Variants in CAPN3 observed in about 807,000 individuals in gnomAD.
The protein encoded by CAPN3 is calpain 3.
In CAPN3, 88 loss-of-function variants were observed where a neutral mutation model predicts 114.0. The ratio of observed to expected loss-of-function variants is 0.77; its 90% CI spans 0.65 to 0.92. The LOEUF (loss-of-function observed/expected upper bound fraction) is 0.92. CAPN3 is among the 40% of genes least tolerant of loss of function. The probability of loss-of-function intolerance (pLI) is 0.00; values close to 1 mark genes in which losing one functional copy is unlikely to be tolerated. For missense variants in CAPN3, 1,028 were observed against 1,069.0 expected (o/e 0.96, Z 0.53); for synonymous variants, 386 against 382.9 (o/e 1.01, Z -0.09).
chr15:42,387,985 A>G (rs1348471485), intron 4 of CAPN3, 99 bp downstream of exon 4: 2 of 1,381,418 alleles, frequency 1.4e-6, no homozygotes, highest in Non-Finnish European at 2.1e-6. Context: ...ATGTGCCTCT[A>G]TACGTGCATA....
intron 4 of CAPN3, among the ~76,000 whole-genome samples, chr15:42,388,694 C>G (rs1048292145): frequency 6.6e-6 from 1 of 151,974 alleles, no homozygotes. Flanking sequence ...GGGTTTCAAT[C>G]CCAGTGCTTC....
At chr15:42,371,795 C>T (rs1595805171) in intron 1 of CAPN3, among the ~76,000 whole-genome samples, 1 of 152,158 alleles carries the variant, frequency 6.6e-6, no homozygotes, top group East Asian at 1.9e-4. Context: ...GAAACCACAT[C>T]TCTACTAAAA....
chr15:42,375,230 G>T (rs925416059), intron 1 of CAPN3, among the ~76,000 whole-genome samples: 3 of 151,848 alleles, frequency 2.0e-5, no homozygotes, highest in African/African-American at 7.3e-5. Flanking sequence ...CACAGTTTCC[G>T]GGAGAGTTCT....
intron 9 of CAPN3, 32 bp downstream of exon 9, chr15:42,396,909 G>A (rs1174589696): frequency 6.6e-7 from 1 of 1,509,916 alleles, no homozygotes; most frequent in South Asian, 1.1e-5. Context: ...ACCCAGAAGG[G>A]TAAGGGTGGG....
intron 3 of CAPN3, among the ~76,000 whole-genome samples, chr15:42,386,856 G>A (rs1416162158): frequency 6.6e-6 from 1 of 152,196 alleles, no homozygotes; most frequent in African/African-American, 2.4e-5. Context: ...TAGAGCTGGT[G>A]CTAGAGCAGA....
In CAPN3 at chr15:42,387,743, T is replaced by C. The variant is rs747144192; in HGVS notation, c.499-10T>C. On this transcript the variant is annotated splice_polypyrimidine_tract_variant and intron_variant, in intron 3 of 23. Coordinates refer to ENST00000397163, the MANE Select transcript of CAPN3 (RefSeq NM_000070.3). Reference sequence around the variant, plus strand: ...GAGTATGTGACTCTGTGCGTGACGCTTCTGTGCAGTTCTGGCGCTATGGAG... The same window carrying C: ...GAGTATGTGACTCTGTGCGTGACGCCTCTGTGCAGTTCTGGCGCTATGGAG... 1 of 1,614,168 alleles carries C rather than the reference T, an allele frequency of 6.2e-7. No homozygotes were observed. Among genetic ancestry groups the C allele is most frequent in the Non-Finnish European group, 8.5e-7 (1 of 1,180,010 alleles).
chr15:42,402,763 T>C (rs1295190383), intron 12 of CAPN3, 31 bp from the exon 13 acceptor site: 2 of 1,607,788 alleles, frequency 1.2e-6, no homozygotes, highest in African/African-American at 2.7e-5. Flanking sequence ...CCCGAGGGGC[T>C]CATGTGCCCT....
chr15:42,367,491 A>G (rs1356548636), intron 1 of CAPN3, among the ~76,000 whole-genome samples: 1 of 152,248 alleles, frequency 6.6e-6, no homozygotes, highest in Non-Finnish European at 1.5e-5. Flanking sequence ...CAGAACTTTC[A>G]GAAGTGTATT....
intron 1 of CAPN3, among the ~76,000 whole-genome samples, chr15:42,363,686 A>G (rs1027297303): frequency 5.3e-5 from 8 of 152,248 alleles, no homozygotes; most frequent in African/African-American, 1.4e-4. Context: ...GGTTAACAGT[A>G]AAGATAATCG....
chr15:42,392,673 C>G lies in CAPN3; in HGVS notation c.980C>G (p.Ala327Gly), dbSNP rs754441267. ...IIPVQYETRMACGLVRGHAYS... is the reference protein window; with the variant it reads ...IIPVQYETRMGCGLVRGHAYS... ...CCGGTTCAGTATGAGACAAGAATGGCCTGCGGGCTGGTCAGAGGTCACGCC... is the reference window on the plus strand; with the variant it reads ...CCGGTTCAGTATGAGACAAGAATGGGCTGCGGGCTGGTCAGAGGTCACGCC... The change falls in exon 7 of 24, where the codon GCC becomes GGC. Residue 327 changes from alanine (A) to glycine (G), a missense_variant. By Grantham distance (60) the Ala-to-Gly change is moderately conservative. Coordinates refer to ENST00000397163, the MANE Select transcript of CAPN3 (RefSeq NM_000070.3). 1.1e-5 allele frequency: 17 copies of G among 1,613,912 alleles called. No homozygotes were observed. In the African/African-American group the frequency reaches 1.7e-4, roughly 16 times the overall value.
intron 4 of CAPN3, among the ~76,000 whole-genome samples, chr15:42,388,567 G>A (rs529635372): frequency 5.3e-5 from 8 of 152,052 alleles, no homozygotes; most frequent in African/African-American, 1.2e-4. Context: ...TTGGCCTCCC[G>A]AAGCGCTGGG....
At position 42,408,224 on chromosome 15, in the gene CAPN3, T is replaced by C; in HGVS notation, c.1814T>C (p.Val605Ala). 3 of 1,613,166 alleles carry C rather than the reference T, an allele frequency of 1.9e-6. No homozygotes were observed. The highest frequency in any genetic ancestry group is 2.5e-6 in the Non-Finnish European group (3 of 1,179,460). Residue 605 changes from valine (V) to alanine (A), a missense_variant, in exon 16 of 24, where the codon GTT becomes GCT. Transcript: ENST00000397163. ...KKKKTKPIIF[V>A]SDRANSNKEL... ...TCCTCTCTCCAGCCCATCATCTTCG[T>C]TTCGGACAGAGCAAACAGCAACAAG... is the stretch of plus-strand genomic sequence containing the variant.
rs138172448 is a variant in CAPN3, at chr15:42,402,920, G to C, written c.1663G>C (p.Val555Leu). The change falls in exon 13 of 24, where the codon GTC (valine) becomes CTC (leucine). Residue 555 changes from valine (V) to leucine (L), a missense_variant. Physicochemically the swap from Val to Leu is conservative, Grantham distance 32. Transcript: ENST00000397163. ...CTTCCGCCTGCCTCCCAGCGAGTAC[G>C]TCATCGTGCCCTCCACCTACGAGCC... ...QRFRLPPSEY[V>L]IVPSTYEPHQ... 3.1e-6 allele frequency: 5 copies of C among 1,614,182 alleles called. No homozygotes were observed. In the East Asian group the frequency reaches 1.1e-4, roughly 36 times the overall value.
At chr15:42,409,557 C>T (rs1376610011) in intron 17 of CAPN3, among the ~76,000 whole-genome samples, 177 bp downstream of exon 17, 1 of 152,176 alleles carries the variant, frequency 6.6e-6, no homozygotes, top group East Asian at 1.9e-4. Flanking sequence ...ACTGCCACGT[C>T]TGCTGGGGGG....
rs765012463 is a variant in CAPN3 at position 42,387,881 on chromosome 15, T to C, written c.627T>C (p.Tyr209=). The change falls in exon 4 of 24, where the codon TAT becomes TAC. Residue 209 remains tyrosine, a synonymous_variant. Transcript: ENST00000397163. ...GGAGTGCTCTGCTGGAGAAGGCTTA[T>C]GCTAAGTAAGCAACACTTTAGAATG... ...EFWSALLEKA[Y]AKLHGSYEAL... 1.2e-6 allele frequency: 2 copies of C among 1,614,154 alleles called. No individual in the cohort carries two copies. Among genetic ancestry groups the C allele is most frequent in the Admixed American group, 3.3e-5 (2 of 60,012 alleles).
rs1415586798 is a variant in CAPN3, at chr15:42,386,159, G to A, written c.380-8G>A. ...TGCTCACGATCTGTGCCCTGTGTCTGCCTGCAGGGGACTGCTGGTTTCTCG... is the reference window on the plus strand; with the variant it reads ...TGCTCACGATCTGTGCCCTGTGTCTACCTGCAGGGGACTGCTGGTTTCTCG... On this transcript the variant is annotated splice_polypyrimidine_tract_variant and splice_region_variant and intron_variant, in intron 2 of 23. Transcript: ENST00000397163. 1.2e-6 allele frequency: 2 copies of A among 1,600,752 alleles called. No individual in the cohort carries two copies. Among genetic ancestry groups the A allele is most frequent in the Admixed American group, 3.3e-5 (2 of 59,990 alleles).
chr15:42,407,140 G>A (rs998127673), intron 15 of CAPN3, among the ~76,000 whole-genome samples: 13 of 152,130 alleles, frequency 8.5e-5, no homozygotes, highest in African/African-American at 2.7e-4. Context: ...TGCAGCAGCC[G>A]CTCTCCGTCC....
chr15:42,410,026 C>G, intron 19 of CAPN3, 31 bp downstream of exon 19: 1 of 1,604,754 alleles, frequency 6.2e-7, no homozygotes, highest in Non-Finnish European at 8.5e-7. Flanking sequence ...TCCCGACCCT[C>G]TGTCATCAGC....
rs28364467 is a variant in CAPN3 at position 42,396,795 on chromosome 15, A to T, written c.1116-5A>T. ...GCTTCCTTAATTCCTCCATTTTCCC[A>T]CCAGATGGAAGGACTGGAGCTTTGT... is the stretch of plus-strand genomic sequence containing the variant. On this transcript the variant is annotated splice_polypyrimidine_tract_variant and splice_region_variant and intron_variant, in intron 8 of 23. Transcript: ENST00000397163. 6.2e-7 allele frequency: 1 copy of T among 1,611,660 alleles called. No individual in the cohort carries two copies. Among genetic ancestry groups the T allele is most frequent in the East Asian group, 2.2e-5 (1 of 44,846 alleles).
Sources: gnomAD v4.1 joint callset for allele counts (sites outside exome capture counted in the v4.1 genomes callset) on GRCh38, gnomAD v4.1.1 for gene constraint, MANE v1.5 for transcripts, NCBI Gene and HGNC (gene_info 2026-07-23, HGNC 2026-07-21) for gene names.